The following RTTN variants were observed in gnomAD, a reference collection of about 807,000 sequenced individuals.
RTTN encodes the protein rotatin.
RTTN carries 182 observed loss-of-function variants against 269.2 expected under a neutral mutation model. That is an observed-to-expected ratio of 0.68 (90% confidence interval 0.60 to 0.76). The LOEUF (loss-of-function observed/expected upper bound fraction) is 0.76. Ranked by LOEUF, RTTN falls within the 30% of genes least tolerant of loss-of-function variation. The pLI is 0.00. For synonymous variants in RTTN, 1,006 were observed against 963.5 expected, an observed-to-expected ratio of 1.04 and a Z score of -0.82; for missense variants, 2,545 against 2,608.6, an observed-to-expected ratio of 0.98 and a Z score of 0.53.
chr18:70,012,566 G>C (rs1309702708), intron 46 of RTTN, among the ~76,000 whole-genome samples: 2 of 151,748 alleles, frequency 1.3e-5, no homozygotes, highest in Non-Finnish European at 2.9e-5. Flanking sequence ...CTGCTCACTG[G>C]TATTGGTTAG....
At chr18:70,029,760 A>G (rs1007162408) in intron 42 of RTTN, among the ~76,000 whole-genome samples, 4 of 152,234 alleles carry the variant, frequency 2.6e-5, no homozygotes, top group African/African-American at 9.6e-5. Context: ...GCATAGTATC[A>G]TGTATATGTG....
chr18:70,065,788 T>C, intron 35 of RTTN, 41 bp downstream of exon 35: 1 of 1,366,866 alleles, frequency 7.3e-7, no homozygotes, highest in Non-Finnish European at 1.0e-6. Context: ...CAACTTGTCA[T>C]TTTTCTTTTT....
chr18:70,030,621 A>G (rs753736095), intron 41 of RTTN, among the ~76,000 whole-genome samples: 28 of 152,178 alleles, frequency 1.8e-4, no homozygotes, highest in Non-Finnish European at 3.4e-4. Context: ...AGCTTCCCTA[A>G]TATTTACATA....
Position 70,197,640 on chromosome 18 carries a change from C to CT in RTTN, c.676dup (p.Arg226LysfsTer43). The stretch of plus-strand genomic sequence containing the variant: ...GGCACTGACCTGAACAATTTTTGGC[C>CT]TTTGAAGGAAAATCTCAGCAGGAAA... On this transcript the variant is annotated frameshift_variant, in exon 6 of 49. Transcript: ENST00000640769. LOFTEE classifies it high-confidence loss of function. The CT allele has an allele frequency of 6.2e-7, 1 of 1,612,264 alleles. No individual in the cohort carries two copies. Among genetic ancestry groups the CT allele is most frequent in the South Asian group, 1.1e-5 (1 of 91,030 alleles).
intron 23 of RTTN, 77 bp from the exon 24 acceptor site, chr18:70,128,623 G>T: frequency 7.9e-7 from 1 of 1,258,954 alleles, no homozygotes; most frequent in Non-Finnish European, 1.1e-6. Flanking sequence ...CACAAATGAG[G>T]GCTAGTTCAA....
intron 28 of RTTN, among the ~76,000 whole-genome samples, chr18:70,094,667 A>G (rs2145267517): frequency 6.6e-6 from 1 of 152,068 alleles, no homozygotes; most frequent in South Asian, 2.1e-4. Context: ...TATGATTTCC[A>G]TTCTTTTGAG....
At chr18:70,018,498 C>G (rs1326546528) in intron 45 of RTTN, among the ~76,000 whole-genome samples, 2 of 152,210 alleles carry the variant, frequency 1.3e-5, no homozygotes, top group Non-Finnish European at 2.9e-5. Context: ...TTCTCTCTCT[C>G]TGTTTAAATC....
At chr18:70,158,323 A>C (rs943490054) in intron 14 of RTTN, among the ~76,000 whole-genome samples, 2 of 152,228 alleles carry the variant, frequency 1.3e-5, no homozygotes, top group African/African-American at 2.4e-5. Flanking sequence ...ATTCAAACCA[A>C]GTATTTCATA....
intron 27 of RTTN, among the ~76,000 whole-genome samples, chr18:70,111,622 C>G (rs2059469249): frequency 6.6e-6 from 1 of 152,044 alleles, no homozygotes; most frequent in African/African-American, 2.4e-5. Context: ...TAAAAAGGAA[C>G]AAACAAAGGC....
At position 70,092,226 on chromosome 18, in the gene RTTN, G is replaced by C. The variant is rs1354031537; in HGVS notation, c.4033-6C>G. 6.7e-7 allele frequency: 1 copy of C among 1,491,672 alleles called. No homozygotes were observed. The highest frequency in any genetic ancestry group is 1.1e-5 in the South Asian group (1 of 87,002). The allele number at this position is 1,491,672 out of a possible 1,614,324, so 92.4% of individuals were successfully genotyped here. ...AACCAAAGTGACATCCACTCCTAGA[G>C]GGAAAAAAGGGAAACAGAAATATTT... On this transcript the variant is annotated splice_polypyrimidine_tract_variant and splice_region_variant and intron_variant, in intron 29 of 48. Coordinates refer to ENST00000640769, the MANE Select transcript of RTTN (RefSeq NM_173630.4).
chr18:70,065,950 T>C (rs200318320), intron 34 of RTTN, 28 bp from the exon 35 acceptor site: 2 of 1,496,142 alleles, frequency 1.3e-6, no homozygotes, highest in East Asian at 2.3e-5. Context: ...ATTTTACTTA[T>C]TAATGTTACA....
At position 70,188,185 on chromosome 18, in the gene RTTN, T is replaced by C. The variant is rs373675318; in HGVS notation, c.1228A>G (p.Thr410Ala). The C allele has an allele frequency of 3.1e-6, 5 of 1,610,724 alleles. No individual in the cohort carries two copies. The highest frequency in any genetic ancestry group is 2.7e-5 in the African/African-American group (2 of 74,864). ...TCACCAATAAGTGTCATATCCTCTG[T>C]AAGCAATTCCAGAACTCTTATTATC... ...QVIIRVLELL[T>A]EDMTLIGEAI... is the part of the protein sequence containing the mutation. Residue 410 changes from threonine (T) to alanine (A), a missense_variant, in exon 10 of 49, where the codon ACA (threonine) becomes GCA (alanine). Transcript: ENST00000640769.
At chr18:70,165,567 C>T (rs1295096996) in intron 14 of RTTN, among the ~76,000 whole-genome samples, 1 of 151,738 alleles carries the variant, frequency 6.6e-6, no homozygotes, top group Non-Finnish European at 1.5e-5. Context: ...AATATATATA[C>T]TTTTAAATAT....
At chr18:70,061,431 G>A (rs558896484) in intron 35 of RTTN, 1 of 456,186 alleles carries the variant, frequency 2.2e-6, no homozygotes, top group East Asian at 6.9e-5. Context: ...TGGAAAGCAA[G>A]ATTTGGGCAC....
chr18:70,176,200 GATGTAT>G (rs71816542), intron 11 of RTTN, among the ~76,000 whole-genome samples: 49,984 of 136,894 alleles, frequency 0.37, 10,354 homozygotes, highest in East Asian at 0.54. Flanking sequence ...TGTAGATGTA[GATGTAT>G]ATGTATATGT....
chr18:70,124,071 A>T (rs1323934148), intron 25 of RTTN, among the ~76,000 whole-genome samples: 2 of 151,696 alleles, frequency 1.3e-5, no homozygotes, highest in East Asian at 3.9e-4. Flanking sequence ...TTTAAAGTCT[A>T]TCTAAAAAAA....
In RTTN at chr18:70,174,335, G is replaced by A. The variant is rs75606080; in HGVS notation, c.1476+2340C>T. ...AAGTGCTTCTTTTTAGTAATTTCCCGGCCATATATTCTCACAATTATCTTT... is the reference window on the plus strand; with the variant it reads ...AAGTGCTTCTTTTTAGTAATTTCCCAGCCATATATTCTCACAATTATCTTT... On this transcript the variant is annotated intron_variant, in intron 11 of 48. Coordinates refer to ENST00000640769, the MANE Select transcript of RTTN (RefSeq NM_173630.4). 5.1e-3 allele frequency among the ~76,000 whole-genome samples: 773 copies of A among 151,996 alleles called. 5 individuals carry two copies. Among genetic ancestry groups the A allele is most frequent in the African/African-American group, 0.018 (732 of 41,454 alleles).
At chr18:70,051,759 T>A (rs970629258) in intron 38 of RTTN, among the ~76,000 whole-genome samples, 2 of 152,148 alleles carry the variant, frequency 1.3e-5, no homozygotes, top group African/African-American at 4.8e-5. Flanking sequence ...TCCACCCTCC[T>A]GCATATAAAG....
intron 3 of RTTN, among the ~76,000 whole-genome samples, chr18:70,203,882 A>C (rs1178189961): frequency 1.3e-5 from 2 of 152,204 alleles, no homozygotes; most frequent in Admixed American, 1.3e-4. Context: ...TTTAGGCCTG[A>C]CCCAAAAAGC....
Sources: gnomAD v4.1 joint callset for allele counts (sites outside exome capture counted in the v4.1 genomes callset) on GRCh38, gnomAD v4.1.1 for gene constraint, MANE v1.5 for transcripts, NCBI Gene and HGNC (gene_info 2026-07-23, HGNC 2026-07-21) for gene names.